Variants in CCDC6 observed in about 807,000 individuals in gnomAD.
CCDC6 encodes coiled-coil domain-containing protein 6.
Under a neutral mutation model 56.6 loss-of-function variants are expected in CCDC6, and 20 were observed. The ratio of observed to expected loss-of-function variants is 0.35; its 90% CI spans 0.25 to 0.51. The LOEUF is 0.51. CCDC6 is among the 20% of genes least tolerant of loss of function. CCDC6 has a pLI of 0.95. For missense variants in CCDC6, 367 were observed against 601.1 expected, an observed-to-expected ratio of 0.61 and a Z score of 4.07; for synonymous variants, 241 against 234.4, an observed-to-expected ratio of 1.03 and a Z score of -0.26.
intron 3 of CCDC6, among the ~76,000 whole-genome samples, chr10:59,815,974 A>G (rs1441858676): frequency 6.6e-6 from 1 of 152,232 alleles, no homozygotes; most frequent in African/African-American, 2.4e-5. Flanking sequence ...CAGCCAAATG[A>G]CATTCCCCTT....
rs114746878 is a variant in CCDC6 at position 59,872,200 on chromosome 10, A to G, written c.304-19498T>C. The stretch of plus-strand genomic sequence containing the variant: ...CCTATCTCACTGATGTGCCAAAACC[A>G]TCTCTCTACTGCCTGACATTCCTTC... On this transcript the variant is annotated intron_variant, in intron 1 of 8. Transcript: ENST00000263102. 8.1e-3 allele frequency among the ~76,000 whole-genome samples: 1,228 copies of G among 152,314 alleles called. 13 individuals are homozygous for G. Among genetic ancestry groups the G allele is most frequent in the African/African-American group, 0.028 (1,149 of 41,572 alleles).
intron 1 of CCDC6, among the ~76,000 whole-genome samples, chr10:59,864,080 G>A (rs1224535965): frequency 2.6e-5 from 4 of 152,256 alleles, no homozygotes; most frequent in South Asian, 2.1e-4. Flanking sequence ...CCCATGGCCA[G>A]CTTTAAAAAA....
At chr10:59,867,632 C>T (rs1168818192) in intron 1 of CCDC6, among the ~76,000 whole-genome samples, 1 of 152,212 alleles carries the variant, frequency 6.6e-6, no homozygotes, top group Non-Finnish European at 1.5e-5. Context: ...TGGCTCACTG[C>T]AACCTTGACT....
intron 1 of CCDC6, among the ~76,000 whole-genome samples, chr10:59,874,021 A>T (rs76116388): frequency 0.017 from 2,542 of 152,242 alleles, 30 homozygotes; most frequent in Middle Eastern, 0.044. Flanking sequence ...TGGTCAGTGA[A>T]GATCTATGAC....
intron 1 of CCDC6, among the ~76,000 whole-genome samples, chr10:59,866,629 T>C (rs1397112709): frequency 1.3e-5 from 2 of 152,134 alleles, no homozygotes; most frequent in East Asian, 1.9e-4. Flanking sequence ...TCACGTCGTA[T>C]ATAGGGAAAC....
intron 3 of CCDC6, among the ~76,000 whole-genome samples, chr10:59,830,013 C>A (rs1195752912): frequency 6.6e-6 from 1 of 152,190 alleles, no homozygotes; most frequent in African/African-American, 2.4e-5. Context: ...AGGCCCTGAA[C>A]ACTAGCCTGC....
At chr10:59,872,772 T>C (rs2071240781) in intron 1 of CCDC6, among the ~76,000 whole-genome samples, 1 of 86,972 alleles carries the variant, frequency 1.1e-5, no homozygotes, top group African/African-American at 4.4e-5. Flanking sequence ...GAGGATAACT[T>C]TCCAGATGGG....
Position 59,791,774 on chromosome 10 carries a change from GATTT to G in CCDC6, c.*1139_*1142del, listed in dbSNP as rs1367353027. On this transcript the variant is annotated 3_prime_UTR_variant, in exon 9 of 9. Coordinates refer to ENST00000263102, the MANE Select transcript of CCDC6 (RefSeq NM_005436.5). ...GTTCCACTGCAAAGTGAAACCAAAT[GATTT>G]ATTTGTGCTAAATGAATGGAAATAA... The G allele has an allele frequency of 2.3e-5, 5 of 214,214 alleles. No homozygotes were observed. The highest frequency in any genetic ancestry group is 2.8e-5 in the Non-Finnish European group (3 of 105,798). The allele number at this position is 214,214 out of a possible 1,614,324, so 13.3% of individuals were successfully genotyped here. A position where few individuals can be genotyped will look rare whatever the true frequency, so the allele number is the denominator to read the frequency against.
intron 8 of CCDC6, among the ~76,000 whole-genome samples, chr10:59,793,912 T>G (rs770226515): frequency 6.6e-6 from 1 of 152,238 alleles, no homozygotes; most frequent in Non-Finnish European, 1.5e-5. Flanking sequence ...TATTGGTATT[T>G]CTGTTATTGG....
intron 3 of CCDC6, among the ~76,000 whole-genome samples, chr10:59,823,885 T>C (rs2070766007): frequency 6.6e-6 from 1 of 152,224 alleles, no homozygotes; most frequent in Non-Finnish European, 1.5e-5. Flanking sequence ...AAAGTCTCAG[T>C]ACAGTATCCC....
At chr10:59,858,297 TAGCTCACA>T (rs1207500751) in intron 1 of CCDC6, among the ~76,000 whole-genome samples, 2 of 152,220 alleles carry the variant, frequency 1.3e-5, no homozygotes, top group African/African-American at 4.8e-5. Flanking sequence ...TACTGCACAC[TAGCTCACA>T]ATAAAAGCAA....
chr10:59,856,362 A>T (rs1181913848), intron 1 of CCDC6, among the ~76,000 whole-genome samples: 1 of 144,436 alleles, frequency 6.9e-6, no homozygotes, highest in African/African-American at 2.6e-5. Context: ...AAAAAAAAAA[A>T]TTAAATGGAT....
At chr10:59,807,217 G>C in intron 5 of CCDC6, 139 bp from the exon 6 acceptor site, 1 of 728,406 alleles carries the variant, frequency 1.4e-6, no homozygotes, top group Non-Finnish European at 2.2e-6. Context: ...GGGTATGGTG[G>C]CTCACACTTG....
intron 2 of CCDC6, among the ~76,000 whole-genome samples, chr10:59,841,824 C>T (rs915836817): frequency 1.3e-5 from 2 of 151,784 alleles, no homozygotes; most frequent in Non-Finnish European, 1.5e-5. Flanking sequence ...CCTACAACCA[C>T]GCCCGGCTAA....
At position 59,812,791 on chromosome 10, in the gene CCDC6, G is replaced by A; in HGVS notation, c.691C>T (p.Leu231=). 2 of 1,590,106 alleles carry A rather than the reference G, an allele frequency of 1.3e-6. No individual in the cohort carries two copies. The highest frequency in any genetic ancestry group is 1.7e-6 in the Non-Finnish European group (2 of 1,167,290). The change falls in exon 5 of 9, where the codon CTG becomes TTG. Residue 231 remains leucine, a synonymous_variant. Coordinates refer to ENST00000263102, the MANE Select transcript of CCDC6 (RefSeq NM_005436.5). ...MDKLEAEKRI[L]QEKLDQPVSA... ...ACGGGCTGGTCTAATTTTTCCTGCA[G>A]GATTCTTCATTGAAAAGAAAAATTC...
At position 59,789,672 on chromosome 10, in the gene CCDC6, C is replaced by T. The variant is rs1291281350; in HGVS notation, c.*3245G>A. The T allele has an allele frequency of 4.5e-6, 1 of 223,122 alleles. No homozygotes were observed. The allele number at this position is 223,122 out of a possible 1,614,324, so 13.8% of individuals were successfully genotyped here. A position where few individuals can be genotyped will look rare whatever the true frequency, so the allele number is the denominator to read the frequency against. ...GGTTACCTATAAGACAAGTACTAGA[C>T]AGAAGATCAAGTTACACAGAAATAT... On this transcript the variant is annotated 3_prime_UTR_variant, in exon 9 of 9. Coordinates refer to ENST00000263102, the MANE Select transcript of CCDC6 (RefSeq NM_005436.5).
intron 6 of CCDC6, 195 bp from the exon 7 acceptor site, chr10:59,804,715 A>G (rs1399911152): frequency 1.9e-6 from 1 of 527,912 alleles, no homozygotes; most frequent in Non-Finnish European, 3.4e-6. Context: ...ACCTCACTCC[A>G]AGGGTCACCA....
chr10:59,868,931 T>TTTTTTTTTTTTTTTTTTTTTTTTTTTTG (rs2071201276), intron 1 of CCDC6, among the ~76,000 whole-genome samples: 1 of 152,090 alleles, frequency 6.6e-6, no homozygotes, highest in African/African-American at 2.4e-5. Context: ...ACCTCTTTCT[T>TTTTTTTTTTTTTTTTTTTTTTTTTTTTG]ATGCCAATTT....
chr10:59,831,766 A>G (rs1564744029), intron 3 of CCDC6, among the ~76,000 whole-genome samples: 1 of 152,214 alleles, frequency 6.6e-6, no homozygotes, highest in Non-Finnish European at 1.5e-5. Context: ...CCCTGAATGG[A>G]GTGACAACAG....
Sources: gnomAD v4.1 joint callset for allele counts (sites outside exome capture counted in the v4.1 genomes callset) on GRCh38, gnomAD v4.1.1 for gene constraint, MANE v1.5 for transcripts, NCBI Gene and HGNC (gene_info 2026-07-23, HGNC 2026-07-21) for gene names.